The following RAB38 variants were observed in gnomAD, a reference collection of about 807,000 sequenced individuals.
RAB38 encodes the protein ras-related protein Rab-38.
A neutral mutation model predicts 18.4 loss-of-function variants in RAB38; 15 were observed. The observed-to-expected ratio is 0.82, with a 90% CI of 0.55 to 1.26. The LOEUF is 1.26. Ranked by LOEUF, RAB38 falls within the 50% of genes most tolerant of loss-of-function variation. The pLI is 0.00. For missense variants in RAB38, 294 were observed against 267.4 expected (o/e 1.10, Z -0.69); for synonymous variants, 101 against 104.4 (o/e 0.97, Z 0.20).
At chr11:87,974,369 T>C in the RAB38 span, among the ~76,000 whole-genome samples, 2 of 151,258 alleles carry the variant, frequency 1.3e-5, no homozygotes, top group African/African-American at 2.4e-5. Context: ...AAAAAAATCA[T>C]AGGTTGGGCT....
At chr11:88,078,545 A>C in the RAB38 span, among the ~76,000 whole-genome samples, 1 of 145,348 alleles carries the variant, frequency 6.9e-6, no homozygotes, top group Non-Finnish European at 1.5e-5. Context: ...TTAGGCCATA[A>C]AACAGAAGAA....
the RAB38 span, among the ~76,000 whole-genome samples, chr11:87,917,516 G>A: frequency 7.5e-6 from 1 of 132,886 alleles, no homozygotes; most frequent in East Asian, 2.3e-4. Context: ...TATTTCACTT[G>A]TCTCACTGAA....
the RAB38 span, among the ~76,000 whole-genome samples, chr11:87,813,531 ACAC>A: frequency 2.7e-5 from 4 of 150,834 alleles, no homozygotes; most frequent in South Asian, 4.2e-4. Flanking sequence ...ACACACACAC[ACAC>A]ATCTCTGTCA....
chr11:87,966,343 A>G, the RAB38 span, among the ~76,000 whole-genome samples: 1 of 152,150 alleles, frequency 6.6e-6, no homozygotes, highest in African/African-American at 2.4e-5. Flanking sequence ...TATTGGTGCT[A>G]TATCACTAGA....
At chr11:87,875,522 G>A in the RAB38 span, among the ~76,000 whole-genome samples, 27 of 151,410 alleles carry the variant, frequency 1.8e-4, no homozygotes, top group Non-Finnish European at 3.8e-4. Context: ...ATTGCTACTG[G>A]AGTTTTGATT....
chr11:87,953,418 C>T, the RAB38 span, among the ~76,000 whole-genome samples: 3 of 152,138 alleles, frequency 2.0e-5, no homozygotes, highest in African/African-American at 7.2e-5. Flanking sequence ...AGTAGTCCCC[C>T]CTTACTGGCA....
At chr11:88,142,071 C>T (rs531934976) in intron 2 of RAB38, among the ~76,000 whole-genome samples, 3 of 151,972 alleles carry the variant, frequency 2.0e-5, no homozygotes, top group Non-Finnish European at 2.9e-5. Flanking sequence ...CTCTGAGTGA[C>T]TGCATCCTTC....
At chr11:88,122,673 C>T (rs536951740) in intron 2 of RAB38, among the ~76,000 whole-genome samples, 106 of 152,326 alleles carry the variant, frequency 7.0e-4, no homozygotes, top group African/African-American at 2.5e-3. Flanking sequence ...GACTGAGACA[C>T]ATATAGGATA....
chr11:87,955,715 G>A, the RAB38 span, among the ~76,000 whole-genome samples: 2 of 151,924 alleles, frequency 1.3e-5, no homozygotes, highest in African/African-American at 2.4e-5. Context: ...CATCCATTGA[G>A]CTAGGCATTC....
chr11:87,940,256 G>A, the RAB38 span, among the ~76,000 whole-genome samples: 1 of 151,732 alleles, frequency 6.6e-6, no homozygotes, highest in Non-Finnish European at 1.5e-5. Flanking sequence ...AAATTAGCCA[G>A]CATAAATTGT....
the RAB38 span, among the ~76,000 whole-genome samples, chr11:87,877,946 T>C: frequency 1.3e-5 from 2 of 151,344 alleles, no homozygotes; most frequent in African/African-American, 2.4e-5. Flanking sequence ...CCATGGTGTC[T>C]TCTCTGTTTT....
chr11:88,038,532 A>T, the RAB38 span, among the ~76,000 whole-genome samples: 4 of 152,138 alleles, frequency 2.6e-5, no homozygotes, highest in Non-Finnish European at 4.4e-5. Flanking sequence ...ATGGCAAAAC[A>T]TATTTCCTCA....
At chr11:88,127,699 A>G (rs1054648598) in intron 2 of RAB38, among the ~76,000 whole-genome samples, 1 of 152,232 alleles carries the variant, frequency 6.6e-6, no homozygotes, top group African/African-American at 2.4e-5. Flanking sequence ...GATATAATGC[A>G]AAGTTGGAAA....
chr11:88,069,367 G>A, the RAB38 span, among the ~76,000 whole-genome samples: 17 of 152,206 alleles, frequency 1.1e-4, no homozygotes, highest in African/African-American at 3.4e-4. Context: ...AAGCCTCCCC[G>A]ACGGGCACCA....
the RAB38 span, among the ~76,000 whole-genome samples, chr11:88,025,993 T>C: frequency 6.6e-6 from 1 of 151,896 alleles, no homozygotes; most frequent in African/African-American, 2.4e-5. Context: ...AAAGATGGAG[T>C]CTCGCTGTGT....
At chr11:88,158,971 C>T (rs1042289295) in intron 1 of RAB38, among the ~76,000 whole-genome samples, 5 of 151,944 alleles carry the variant, frequency 3.3e-5, no homozygotes, top group African/African-American at 1.2e-4. Context: ...AACAAAAAGT[C>T]AAACTATCTC....
At chr11:87,889,230 T>C in the RAB38 span, among the ~76,000 whole-genome samples, 2 of 151,856 alleles carry the variant, frequency 1.3e-5, no homozygotes, top group Admixed American at 1.3e-4. Context: ...GGCCCCTTAC[T>C]TCCCACCCTT....
chr11:87,950,972 G>C, the RAB38 span, among the ~76,000 whole-genome samples: 1 of 152,174 alleles, frequency 6.6e-6, no homozygotes, highest in Non-Finnish European at 1.5e-5. Context: ...ATAATATCCT[G>C]CAGAGTGTTT....
At chr11:88,030,262 C>T in the RAB38 span, among the ~76,000 whole-genome samples, 2 of 152,064 alleles carry the variant, frequency 1.3e-5, no homozygotes, top group South Asian at 2.1e-4. Flanking sequence ...ACTAAATGCC[C>T]ACAAGAGAAA....
Sources: allele counts gnomAD v4.1 joint callset (sites outside exome capture counted in the v4.1 genomes callset), GRCh38; gene constraint gnomAD v4.1.1; transcripts MANE v1.5; gene names NCBI Gene and HGNC (gene_info 2026-07-23, HGNC 2026-07-21).